Variants in MAGI2 observed in about 807,000 individuals in gnomAD.
The protein encoded by MAGI2 is membrane-associated guanylate kinase, WW and PDZ domain-containing protein 2.
In MAGI2, 35 loss-of-function variants were observed where a neutral mutation model predicts 133.3. That is an observed-to-expected ratio of 0.26 (90% CI 0.20 to 0.35). MAGI2 has a LOEUF of 0.35. MAGI2 is among the 10% of genes least tolerant of loss of function. The pLI, the probability that MAGI2 is intolerant of heterozygous loss-of-function variation, is 1.00. For missense variants in MAGI2, 1,636 were observed against 1,863.4 expected (o/e 0.88, Z 2.25); for synonymous variants, 729 against 710.6 (o/e 1.03, Z -0.41).
chr7:79,240,370 A>G lies in MAGI2; in HGVS notation c.301+212650T>C, dbSNP rs78666665. On this transcript the variant is annotated intron_variant, in intron 1 of 21. Coordinates refer to ENST00000354212, the MANE Select transcript of MAGI2 (RefSeq NM_012301.4). ...GGTTTATCAGAATGAAAAAAAAAAA[A>G]AAAAGAAAAGGGATGAATGAATGAA... Among the ~76,000 whole-genome samples the G allele has an allele frequency of 6.6e-5, 10 of 152,154 alleles. No homozygotes were observed. In the East Asian group the frequency reaches 1.5e-3, roughly 24 times the overall value.
In MAGI2 at chr7:78,857,042, G is replaced by A. The variant is rs542685132; in HGVS notation, c.418+150048C>T. ...GTGAATGGGAGTTCACTCATGATTT[G>A]GCTCTCTGTTTGTCTGTTATTGGTG... On this transcript the variant is annotated intron_variant, in intron 2 of 21. Transcript: ENST00000354212. Among the ~76,000 whole-genome samples, 324 of 152,218 alleles carry A rather than the reference G, an allele frequency of 2.1e-3. 3 individuals are homozygous for A. The highest frequency in any genetic ancestry group is 7.5e-3 in the African/African-American group (311 of 41,516).
chr7:79,013,122 G>A (rs1178976077), intron 1 of MAGI2, among the ~76,000 whole-genome samples: 1 of 152,054 alleles, frequency 6.6e-6, no homozygotes, highest in Non-Finnish European at 1.5e-5. Flanking sequence ...TAAATTTTAT[G>A]CTTCCCTATA....
intron 2 of MAGI2, among the ~76,000 whole-genome samples, chr7:78,723,559 T>A (rs12531353): frequency 0.045 from 6,815 of 152,140 alleles, 232 homozygotes; most frequent in Non-Finnish European, 0.069. Flanking sequence ...AATTAGGGTA[T>A]GTAGAGATAG....
intron 6 of MAGI2, among the ~76,000 whole-genome samples, chr7:78,401,441 CCTCT>C (rs759623793): frequency 6.6e-5 from 10 of 151,342 alleles, no homozygotes; most frequent in Non-Finnish European, 1.5e-4. Context: ...TTCTTCTCTC[CCTCT>C]GTCTCCTCTC....
intron 2 of MAGI2, among the ~76,000 whole-genome samples, chr7:78,686,269 T>C (rs1816307305): frequency 6.6e-6 from 1 of 152,224 alleles, no homozygotes; most frequent in African/African-American, 2.4e-5. Flanking sequence ...CTTGCTTTGG[T>C]TGATGGCTAA....
intron 1 of MAGI2, among the ~76,000 whole-genome samples, chr7:79,018,642 T>C (rs1249045632): frequency 6.6e-6 from 1 of 152,106 alleles, no homozygotes; most frequent in East Asian, 1.9e-4. Flanking sequence ...TGTGCTGTCA[T>C]CAAAAGACCC....
intron 2 of MAGI2, among the ~76,000 whole-genome samples, chr7:78,747,285 C>T (rs1047853637): frequency 3.0e-4 from 45 of 152,130 alleles, no homozygotes; most frequent in African/African-American, 8.9e-4. Context: ...TGAGCTGAAC[C>T]TAAAAATAGT....
chr7:78,355,244 A>G (rs1791948172), intron 7 of MAGI2, among the ~76,000 whole-genome samples: 1 of 152,168 alleles, frequency 6.6e-6, no homozygotes, highest in Non-Finnish European at 1.5e-5. Context: ...TGTGTTTTTC[A>G]TTCTGAAGCT....
intron 1 of MAGI2, chr7:79,411,055 C>G (rs1846105136): frequency 6.6e-6 from 1 of 152,232 alleles, no homozygotes; most frequent in Admixed American, 6.5e-5. Context: ...TACTGAGTCT[C>G]ATTCTATGCC....
At chr7:78,741,376 AACACACACACAC>A (rs55784786) in intron 2 of MAGI2, among the ~76,000 whole-genome samples, 20,873 of 117,392 alleles carry the variant, frequency 0.18, 2,060 homozygotes, top group East Asian at 0.25. Context: ...AAAAAGTTGA[AACACACACACAC>A]ACACACACAC....
chr7:78,578,296 G>C lies in MAGI2; in HGVS notation c.538+48824C>G, dbSNP rs1394513449. Among the ~76,000 whole-genome samples, 5 of 152,008 alleles carry C rather than the reference G, an allele frequency of 3.3e-5. No individual in the cohort carries two copies. The South Asian group carries it at 1.0e-3, about 32-fold the overall frequency. ...TTATATTTTTTATTTTTTTGAGAGA[G>C]AGCTATGAAGATGAAAATATTACAT... is the stretch of plus-strand genomic sequence containing the variant. On this transcript the variant is annotated intron_variant, in intron 3 of 21. Coordinates refer to ENST00000354212, the MANE Select transcript of MAGI2 (RefSeq NM_012301.4).
intron 20 of MAGI2, among the ~76,000 whole-genome samples, chr7:78,113,813 G>A (rs1563138493): frequency 1.3e-5 from 2 of 152,212 alleles, no homozygotes; most frequent in Admixed American, 1.3e-4. Context: ...GAGAACAAGA[G>A]AGTAGAAGAA....
At chr7:78,883,433 C>T (rs1187647586) in intron 2 of MAGI2, among the ~76,000 whole-genome samples, 26 of 151,988 alleles carry the variant, frequency 1.7e-4, no homozygotes, top group Admixed American at 1.7e-3. Context: ...TAACTGATAT[C>T]ATTAAAATGC....
chr7:78,845,266 C>T (rs1205331469), intron 2 of MAGI2, among the ~76,000 whole-genome samples: 11 of 151,866 alleles, frequency 7.2e-5, no homozygotes, highest in Admixed American at 2.6e-4. Context: ...TTCCATTTTA[C>T]AAATCTATTA....
At chr7:79,375,149 T>A (rs1843298980) in intron 1 of MAGI2, among the ~76,000 whole-genome samples, 1 of 152,038 alleles carries the variant, frequency 6.6e-6, no homozygotes, top group African/African-American at 2.4e-5. Context: ...GAACTCTCAC[T>A]CTTTGTGTTG....
intron 2 of MAGI2, among the ~76,000 whole-genome samples, chr7:78,955,325 A>G (rs1736117574): frequency 6.6e-6 from 1 of 152,044 alleles, no homozygotes; most frequent in African/African-American, 2.4e-5. Context: ...GGACATATGT[A>G]TATATATAAA....
intron 2 of MAGI2, among the ~76,000 whole-genome samples, chr7:78,979,460 A>C (rs1804593019): frequency 6.6e-6 from 1 of 151,850 alleles, no homozygotes; most frequent in South Asian, 2.1e-4. Flanking sequence ...GTCTCCAGCC[A>C]AATAACTCTC....
At chr7:79,432,757 C>T (rs1234165489) in intron 1 of MAGI2, among the ~76,000 whole-genome samples, 1 of 152,176 alleles carries the variant, frequency 6.6e-6, no homozygotes, top group African/African-American at 2.4e-5. Context: ...TCAGAAAATG[C>T]TGCAATAGGC....
At chr7:78,453,202 G>A (rs1043843712) in intron 6 of MAGI2, among the ~76,000 whole-genome samples, 7 of 152,078 alleles carry the variant, frequency 4.6e-5, no homozygotes, top group Admixed American at 2.6e-4. Flanking sequence ...AATATTTCTC[G>A]ACATGTACAG....
Sources: gnomAD v4.1 joint callset for allele counts (sites outside exome capture counted in the v4.1 genomes callset) on GRCh38, gnomAD v4.1.1 for gene constraint, MANE v1.5 for transcripts, NCBI Gene and HGNC (gene_info 2026-07-23, HGNC 2026-07-21) for gene names.